The following KIAA1217 variants were observed in gnomAD, a reference collection of about 807,000 sequenced individuals.
The protein encoded by KIAA1217 is KIAA1217, also known as sickle tail protein homolog.
In KIAA1217, 88 loss-of-function variants were observed where a neutral mutation model predicts 163.9. The observed-to-expected ratio is 0.54, with a 90% CI of 0.45 to 0.64. The LOEUF is 0.64. KIAA1217 is among the 30% of genes least tolerant of loss of function. The probability of loss-of-function intolerance (pLI) is 0.00; values close to 1 mark genes in which losing one functional copy is unlikely to be tolerated. For missense variants in KIAA1217, 2,372 were observed against 2,475.0 expected (o/e 0.96, Z 0.88); for synonymous variants, 903 against 923.1 (o/e 0.98, Z 0.39).
chr10:23,821,902 G>C (rs1055890375), intron 1 of KIAA1217, among the ~76,000 whole-genome samples: 5 of 152,120 alleles, frequency 3.3e-5, no homozygotes, highest in Admixed American at 6.5e-5. Flanking sequence ...CCAAACCCTT[G>C]GGGCCTAAGC....
At chr10:23,967,899 ATGTGTGTGTGTGTG>A (rs58562978) in intron 1 of KIAA1217, among the ~76,000 whole-genome samples, 2 of 143,840 alleles carry the variant, frequency 1.4e-5, no homozygotes, top group African/African-American at 2.6e-5. Context: ...AATATATTAA[ATGTGTGTGTGTGTG>A]TGTGTGTGTG....
chr10:23,900,203 G>A (rs978327437), intron 1 of KIAA1217, among the ~76,000 whole-genome samples: 34 of 151,848 alleles, frequency 2.2e-4, no homozygotes, highest in African/African-American at 8.2e-4. Context: ...ATGAGGTTTT[G>A]CAATGTTGGC....
At chr10:24,491,996 G>T (rs756147400) in intron 6 of KIAA1217, among the ~76,000 whole-genome samples, 1 of 151,904 alleles carries the variant, frequency 6.6e-6, no homozygotes, top group Non-Finnish European at 1.5e-5. Flanking sequence ...CAGTAAAGTG[G>T]TACATCTCAA....
In KIAA1217 at chr10:24,300,445, G is replaced by A. The variant is rs549981188; in HGVS notation, c.355-80424G>A. On this transcript the variant is annotated intron_variant, in intron 2 of 20. Coordinates refer to ENST00000376454, the MANE Select transcript of KIAA1217 (RefSeq NM_019590.5). The stretch of plus-strand genomic sequence containing the variant: ...ATTCCTTCTGTTCTTGTCTTTGGCA[G>A]GATCATCTTGAATTGAGTAGTATAA... Among the ~76,000 whole-genome samples the A allele has an allele frequency of 2.0e-5, 3 of 149,332 alleles. No homozygotes were observed. The South Asian group carries it at 6.4e-4, about 32-fold the overall frequency.
At chr10:24,431,002 G>A (rs1220036134) in intron 3 of KIAA1217, among the ~76,000 whole-genome samples, 1 of 152,176 alleles carries the variant, frequency 6.6e-6, no homozygotes, top group Non-Finnish European at 1.5e-5. Flanking sequence ...CTTCAGAAGG[G>A]TTGGGAGCCT....
chr10:24,116,468 G>A (rs923212037), intron 2 of KIAA1217, among the ~76,000 whole-genome samples: 5 of 152,100 alleles, frequency 3.3e-5, no homozygotes, highest in African/African-American at 1.2e-4. Flanking sequence ...TGGCAACAGA[G>A]ACTGCATGGC....
chr10:24,243,774 A>T (rs1301644920), intron 2 of KIAA1217, among the ~76,000 whole-genome samples: 1 of 152,014 alleles, frequency 6.6e-6, no homozygotes, highest in Non-Finnish European at 1.5e-5. Flanking sequence ...TGTATACAAT[A>T]TTCATATATA....
intron 1 of KIAA1217, among the ~76,000 whole-genome samples, chr10:23,744,321 G>A (rs917769943): frequency 1.3e-5 from 2 of 152,280 alleles, no homozygotes; most frequent in South Asian, 2.1e-4. Flanking sequence ...ATCCAAATTG[G>A]CGTTTTTCAG....
At chr10:24,525,113 T>C (rs2071927132) in intron 13 of KIAA1217, among the ~76,000 whole-genome samples, 1 of 152,166 alleles carries the variant, frequency 6.6e-6, no homozygotes, top group Non-Finnish European at 1.5e-5. Context: ...CGTGCAGATC[T>C]GTGTGTGGCA....
chr10:24,306,763 CTG>C (rs948008663), intron 2 of KIAA1217, among the ~76,000 whole-genome samples: 1 of 152,230 alleles, frequency 6.6e-6, no homozygotes, highest in Non-Finnish European at 1.5e-5. Context: ...TGCTTGTTCT[CTG>C]TTGGTATTCT....
intron 3 of KIAA1217, among the ~76,000 whole-genome samples, chr10:24,431,850 G>A (rs2059627463): frequency 6.6e-6 from 1 of 152,088 alleles, no homozygotes; most frequent in South Asian, 2.1e-4. Context: ...TGGGAACTCT[G>A]GGATCCTGTG....
At chr10:23,880,666 T>A (rs1840909600) in intron 1 of KIAA1217, among the ~76,000 whole-genome samples, 1 of 151,998 alleles carries the variant, frequency 6.6e-6, no homozygotes, top group Non-Finnish European at 1.5e-5. Context: ...TCCACCCTCA[T>A]GTGATTATTA....
In KIAA1217 at chr10:24,281,989, G is replaced by A. The variant is rs190672352; in HGVS notation, c.354+62080G>A. 5.1e-3 allele frequency among the ~76,000 whole-genome samples: 772 copies of A among 152,062 alleles called. 11 individuals carry two copies. Among genetic ancestry groups the A allele is most frequent in the African/African-American group, 0.018 (746 of 41,464 alleles). ...GGAGAATGGTGTGAACCCAGGAGGC[G>A]GAGCTTGCAGTGAGCGGAGATCACA... is the stretch of plus-strand genomic sequence containing the variant. On this transcript the variant is annotated intron_variant, in intron 2 of 20. Coordinates refer to ENST00000376454, the MANE Select transcript of KIAA1217 (RefSeq NM_019590.5).
Position 23,899,729 on chromosome 10 carries a change from C to T in KIAA1217, c.-320-107496C>T, listed in dbSNP as rs564842759. Among the ~76,000 whole-genome samples the T allele has an allele frequency of 6.6e-5, 10 of 152,102 alleles. No individual in the cohort carries two copies. In the East Asian group the frequency reaches 1.9e-3, roughly 30 times the overall value. On this transcript the variant is annotated intron_variant, in intron 1 of 18. Transcript: ENST00000376462. Reference sequence around the variant, plus strand: ...CAGAGCACTAGAAAGCTCAGAGGACCACAGTCTAATGTTTTTGACTGAGAG... The same window carrying T: ...CAGAGCACTAGAAAGCTCAGAGGACTACAGTCTAATGTTTTTGACTGAGAG...
Position 23,762,707 on chromosome 10 carries a change from CA to C in KIAA1217, c.-321+67475del, listed in dbSNP as rs1488928758. 2.4e-4 allele frequency among the ~76,000 whole-genome samples: 36 copies of C among 152,268 alleles called. No homozygotes were observed. In the South Asian group the frequency reaches 7.3e-3, roughly 31 times the overall value. ...GAAGCATTCCCCTTGAAAACTGGCA[CA>C]AGACAAGAATACTCTCTCTCACCAC... is the stretch of plus-strand genomic sequence containing the variant. On this transcript the variant is annotated intron_variant, in intron 1 of 18. Coordinates refer to the KIAA1217 transcript ENST00000376462.
intron 5 of KIAA1217, among the ~76,000 whole-genome samples, chr10:24,468,154 G>C (rs999298189): frequency 2.0e-5 from 3 of 152,054 alleles, no homozygotes; most frequent in Admixed American, 6.6e-5. Context: ...GTGTGACCTT[G>C]GAAATCACAT....
chr10:24,209,068 G>C, upstream of KIAA1217: 1 of 709,960 alleles, frequency 1.4e-6, no homozygotes, highest in African/African-American at 1.8e-5. Flanking sequence ...AAATAGTTTG[G>C]GGTGGGGTTT....
At chr10:24,471,852 A>C (rs993499230) in intron 5 of KIAA1217, among the ~76,000 whole-genome samples, 2 of 143,672 alleles carry the variant, frequency 1.4e-5, no homozygotes, top group African/African-American at 5.3e-5. Context: ...GCGCCACTGC[A>C]CTCCAGCCTG....
chr10:23,961,706 T>A (rs948511772), intron 1 of KIAA1217, among the ~76,000 whole-genome samples: 2 of 152,200 alleles, frequency 1.3e-5, no homozygotes, highest in African/African-American at 4.8e-5. Context: ...TTTCAAAAAG[T>A]TGCCGTAACA....
Sources: gnomAD v4.1 joint callset for allele counts (sites outside exome capture counted in the v4.1 genomes callset) on GRCh38, gnomAD v4.1.1 for gene constraint, MANE v1.5 for transcripts, NCBI Gene and HGNC (gene_info 2026-07-23, HGNC 2026-07-21) for gene names.